The following STK3 variants were observed in gnomAD, a reference collection of about 807,000 sequenced individuals.
STK3 encodes serine/threonine-protein kinase 3.
A neutral mutation model predicts 58.0 loss-of-function variants in STK3; 41 were observed. The ratio of observed to expected loss-of-function variants is 0.71; its 90% confidence interval spans 0.55 to 0.92. STK3 has a LOEUF of 0.92. STK3 is among the 40% of genes least tolerant of loss of function. The pLI is 0.00. For missense variants in STK3, 479 were observed against 602.7 expected, an observed-to-expected ratio of 0.79 and a Z score of 2.15; for synonymous variants, 170 against 191.0, an observed-to-expected ratio of 0.89 and a Z score of 0.91.
At chr8:98,464,044 A>G (rs1218390152) in intron 10 of STK3, among the ~76,000 whole-genome samples, 2 of 152,188 alleles carry the variant, frequency 1.3e-5, no homozygotes, top group Non-Finnish European at 2.9e-5. Context: ...AACTGTTTAA[A>G]TAAATCTTGC....
the STK3 span, among the ~76,000 whole-genome samples, chr8:98,346,299 A>G: frequency 6.6e-6 from 1 of 151,806 alleles, no homozygotes; most frequent in African/African-American, 2.4e-5. Flanking sequence ...AAAAAAAAAA[A>G]AATGTTAACA....
At chr8:98,653,006 C>T (rs1217641928) in intron 6 of STK3, among the ~76,000 whole-genome samples, 1 of 152,200 alleles carries the variant, frequency 6.6e-6, no homozygotes, top group African/African-American at 2.4e-5. Flanking sequence ...CAGAACTCTC[C>T]ACCCCAAATC....
chr8:98,617,714 A>G (rs1817880869), intron 6 of STK3, among the ~76,000 whole-genome samples: 1 of 151,816 alleles, frequency 6.6e-6, no homozygotes, highest in Non-Finnish European at 1.5e-5. Context: ...AAAATCTAGA[A>G]GAAATGGATA....
chr8:98,909,923 CT>C (rs1839065211), intron 1 of STK3, among the ~76,000 whole-genome samples: 2 of 152,244 alleles, frequency 1.3e-5, no homozygotes, highest in East Asian at 1.9e-4. Context: ...AACTGCCAGA[CT>C]TTTTTTCAAA....
intron 8 of STK3, among the ~76,000 whole-genome samples, chr8:98,562,034 G>A (rs1450907284): frequency 2.0e-5 from 3 of 152,046 alleles, no homozygotes; most frequent in East Asian, 1.9e-4. Context: ...CTACTGGTGC[G>A]CAGCAACAGA....
At chr8:98,522,623 C>G (rs1825450051) in intron 10 of STK3, among the ~76,000 whole-genome samples, 1 of 152,116 alleles carries the variant, frequency 6.6e-6, no homozygotes, top group Non-Finnish European at 1.5e-5. Context: ...CATTCACACT[C>G]TCATACAAGC....
At chr8:98,453,810 G>C (rs1290010282), downstream of STK3, among the ~76,000 whole-genome samples, 1 of 152,124 alleles carries the variant, frequency 6.6e-6, no homozygotes, top group African/African-American at 2.4e-5. Context: ...TTGGATGACA[G>C]CAAATCAGTC....
At chr8:98,551,466 A>C (rs1811163776) in intron 8 of STK3, among the ~76,000 whole-genome samples, 1 of 152,166 alleles carries the variant, frequency 6.6e-6, no homozygotes, top group Non-Finnish European at 1.5e-5. Context: ...AAAACAACAA[A>C]AAAACAAACA....
chr8:98,644,566 T>C (rs989797753), intron 6 of STK3, among the ~76,000 whole-genome samples: 1 of 152,118 alleles, frequency 6.6e-6, no homozygotes, highest in South Asian at 2.1e-4. Context: ...GCAACAGAAA[T>C]TATAATCACA....
chr8:98,693,693 C>T (rs1036804703), intron 6 of STK3, among the ~76,000 whole-genome samples: 2 of 152,142 alleles, frequency 1.3e-5, no homozygotes, highest in African/African-American at 4.8e-5. Context: ...GTCAGACAAA[C>T]ACAGGTGCAC....
At chr8:98,767,044 C>A (rs1301230516) in intron 3 of STK3, among the ~76,000 whole-genome samples, 199 bp downstream of exon 3, 2 of 152,096 alleles carry the variant, frequency 1.3e-5, no homozygotes, top group Non-Finnish European at 2.9e-5. Flanking sequence ...TCGCTTGAAC[C>A]CAGAAAGCGG....
At chr8:98,586,895 G>A (rs1215107959) in intron 7 of STK3, among the ~76,000 whole-genome samples, 2 of 151,842 alleles carry the variant, frequency 1.3e-5, no homozygotes, top group African/African-American at 2.4e-5. Context: ...AGAGGTGTTT[G>A]TAGTATTCTC....
At chr8:98,571,240 G>A (rs965035875) in intron 8 of STK3, among the ~76,000 whole-genome samples, 1 of 152,148 alleles carries the variant, frequency 6.6e-6, no homozygotes, top group Non-Finnish European at 1.5e-5. Context: ...TGAGGCAGGA[G>A]AATCGCTTGA....
chr8:98,765,968 T>C (rs1263611112), intron 3 of STK3, among the ~76,000 whole-genome samples: 1 of 152,234 alleles, frequency 6.6e-6, no homozygotes, highest in Admixed American at 6.5e-5. Context: ...CTCTGTCCCA[T>C]ACTTTCCATT....
chr8:98,489,115 T>G (rs1424405282), intron 10 of STK3, among the ~76,000 whole-genome samples: 1 of 152,064 alleles, frequency 6.6e-6, no homozygotes, highest in Non-Finnish European at 1.5e-5. Context: ...TGTTAAACAA[T>G]GCTGTCAAAA....
At chr8:98,870,381 T>C (rs1239261768) in intron 3 of STK3, among the ~76,000 whole-genome samples, 3 of 152,212 alleles carry the variant, frequency 2.0e-5, no homozygotes, top group Non-Finnish European at 4.4e-5. Flanking sequence ...CTGGGTCAAA[T>C]GGTATTTCTA....
At chr8:98,905,202 G>C (rs1838843662) in intron 1 of STK3, 1 of 983,696 alleles carries the variant, frequency 1.0e-6, no homozygotes, top group Non-Finnish European at 1.6e-6. Context: ...TCCCATTCCA[G>C]GGGCAGTCCG....
intron 1 of STK3, among the ~76,000 whole-genome samples, chr8:98,808,544 T>A (rs189627414): frequency 6.6e-6 from 1 of 152,332 alleles, no homozygotes. Context: ...AAGGCTTTTT[T>A]TTATTATTGT....
At chr8:98,429,097 C>G in intron 3 of STK3, 1 of 1,613,586 alleles carries the variant, frequency 6.2e-7, no homozygotes, top group Non-Finnish European at 8.5e-7. Context: ...GTCAGTATGA[C>G]CACAGTGGGG....
Sources: allele counts gnomAD v4.1 joint callset (sites outside exome capture counted in the v4.1 genomes callset), GRCh38; gene constraint gnomAD v4.1.1; transcripts MANE v1.5; gene names NCBI Gene and HGNC (gene_info 2026-07-23, HGNC 2026-07-21).